MGAT4C: variants seen among roughly 807,000 people sequenced by gnomAD.
MGAT4C encodes alpha-1,3-mannosyl-glycoprotein 4-beta-N-acetylglucosaminyltransferase C.
MGAT4C carries 19 observed loss-of-function variants against 40.1 expected under a neutral mutation model. The observed-to-expected ratio is 0.47, with a 90% CI of 0.33 to 0.70. The LOEUF is 0.70. Ranked by LOEUF, MGAT4C falls within the 30% of genes least tolerant of loss-of-function variation. The pLI is 0.02. For missense variants in MGAT4C, 491 were observed against 563.2 expected (o/e 0.87, Z 1.30); for synonymous variants, 181 against 187.1 (o/e 0.97, Z 0.27).
intron 1 of MGAT4C, among the ~76,000 whole-genome samples, chr12:86,177,986 G>C (rs1000846347): frequency 1.3e-5 from 2 of 152,062 alleles, no homozygotes; most frequent in African/African-American, 2.4e-5. Flanking sequence ...ACCCAGGCTG[G>C]AGTGCAGTGG....
chr12:86,018,801 C>A lies in MGAT4C; in HGVS notation c.-6-29249G>T, dbSNP rs916975955. Among the ~76,000 whole-genome samples the A allele has an allele frequency of 2.6e-5, 4 of 151,846 alleles. No individual in the cohort carries two copies. In the East Asian group the frequency reaches 5.8e-4, roughly 22 times the overall value. ...CTAAGTATCCTACAATGATGCCCAG[C>A]AAGATTTACATTAAGTTTCACTTTA... On this transcript the variant is annotated intron_variant, in intron 2 of 4. Coordinates refer to ENST00000611864, the MANE Select transcript of MGAT4C (RefSeq NM_001351288.2).
rs1299936741 is a variant in MGAT4C at position 85,978,393 on chromosome 12, A to G, written c.*896T>C. 1.3e-5 allele frequency: 2 copies of G among 151,908 alleles called. No individual in the cohort carries two copies. Among genetic ancestry groups the G allele is most frequent in the African/African-American group, 4.8e-5 (2 of 41,422 alleles). 9.4% of individuals were successfully genotyped at this position (151,908 alleles called of 1,614,324 possible). On this transcript the variant is annotated 3_prime_UTR_variant, in exon 5 of 5. Transcript: ENST00000611864. ...ATACCCATTTAAATTCCAAAAAGGTATATGATAAATCACAATAATTTCAAT... is the reference window on the plus strand; with the variant it reads ...ATACCCATTTAAATTCCAAAAAGGTGTATGATAAATCACAATAATTTCAAT...
chr12:86,426,342 A>G (rs557872989), intron 3 of MGAT4C, among the ~76,000 whole-genome samples: 65 of 152,372 alleles, frequency 4.3e-4, no homozygotes, highest in Non-Finnish European at 1.5e-5. Flanking sequence ...TGAGAAGAGC[A>G]GAAAGTGAAC....
At chr12:86,207,465 T>G (rs980481849) in intron 1 of MGAT4C, among the ~76,000 whole-genome samples, 1 of 151,900 alleles carries the variant, frequency 6.6e-6, no homozygotes, top group African/African-American at 2.4e-5. Flanking sequence ...CGACAGGCCT[T>G]GTGTGTGATG....
chr12:86,220,313 G>A (rs979825685), intron 1 of MGAT4C, among the ~76,000 whole-genome samples: 4 of 151,870 alleles, frequency 2.6e-5, no homozygotes, highest in Admixed American at 6.6e-5. Context: ...GTGTTTTCAC[G>A]TATACATGGC....
At chr12:86,178,184 C>T (rs1371933975) in intron 1 of MGAT4C, among the ~76,000 whole-genome samples, 3 of 152,182 alleles carry the variant, frequency 2.0e-5, no homozygotes, top group Non-Finnish European at 2.9e-5. Flanking sequence ...GATCCGCCCG[C>T]CTTGGCCTCC....
chr12:85,982,505 C>T (rs1275858032), intron 4 of MGAT4C, among the ~76,000 whole-genome samples: 3 of 152,132 alleles, frequency 2.0e-5, no homozygotes, highest in Non-Finnish European at 2.9e-5. Flanking sequence ...TTATATTTTA[C>T]ACATTGAAAC....
chr12:86,169,907 T>C (rs908250014), intron 1 of MGAT4C, among the ~76,000 whole-genome samples: 1 of 152,222 alleles, frequency 6.6e-6, no homozygotes, highest in African/African-American at 2.4e-5. Context: ...TATTTAATGG[T>C]ATCCTCATTT....
At chr12:86,306,077 A>G (rs986429314) in intron 4 of MGAT4C, among the ~76,000 whole-genome samples, 3 of 150,582 alleles carry the variant, frequency 2.0e-5, no homozygotes, top group Non-Finnish European at 2.9e-5. Context: ...TTAGGTAAGA[A>G]AGTCTAATTT....
chr12:86,544,057 A>C (rs1959181192), intron 2 of MGAT4C, among the ~76,000 whole-genome samples: 1 of 152,174 alleles, frequency 6.6e-6, no homozygotes, highest in African/African-American at 2.4e-5. Flanking sequence ...TTCACACTTC[A>C]GAATCATTAG....
At chr12:86,348,463 T>C (rs1955087984) in intron 3 of MGAT4C, among the ~76,000 whole-genome samples, 1 of 152,150 alleles carries the variant, frequency 6.6e-6, no homozygotes, top group South Asian at 2.1e-4. Flanking sequence ...TTGCTATGCA[T>C]TTCTCTTCCT....
intron 3 of MGAT4C, among the ~76,000 whole-genome samples, chr12:86,392,191 G>A (rs1956172096): frequency 6.6e-6 from 1 of 152,072 alleles, no homozygotes; most frequent in Non-Finnish European, 1.5e-5. Context: ...GGTAATGTCG[G>A]CCAGATGCAG....
intron 4 of MGAT4C, among the ~76,000 whole-genome samples, chr12:86,277,226 A>G (rs752212076): frequency 6.6e-6 from 1 of 152,140 alleles, no homozygotes; most frequent in Non-Finnish European, 1.5e-5. Flanking sequence ...TCTCCTCTTG[A>G]GAAATGTTTA....
chr12:86,022,803 G>T lies in MGAT4C; in HGVS notation c.-7+26871C>A, dbSNP rs188687166. On this transcript the variant is annotated intron_variant, in intron 2 of 4. Coordinates refer to ENST00000611864, the MANE Select transcript of MGAT4C (RefSeq NM_001351288.2). ...AAAGTAGATCCATAAATTGTTAGAG[G>T]CATGATGTTACAAAAATGCACAGGT... Among the ~76,000 whole-genome samples the T allele has an allele frequency of 1.8e-4, 27 of 152,170 alleles. No homozygotes were observed. The East Asian group carries it at 5.2e-3, about 29-fold the overall frequency.
intron 2 of MGAT4C, among the ~76,000 whole-genome samples, chr12:86,704,668 T>A (rs1950424688): frequency 6.6e-6 from 1 of 152,136 alleles, no homozygotes; most frequent in Admixed American, 6.6e-5. Flanking sequence ...AAGGCAAATT[T>A]ATTATCCAAC....
At chr12:86,702,296 T>A (rs1455871405) in intron 2 of MGAT4C, among the ~76,000 whole-genome samples, 1 of 152,034 alleles carries the variant, frequency 6.6e-6, no homozygotes, top group Admixed American at 6.6e-5. Flanking sequence ...CCTCCCACTT[T>A]GGCCTCCCAA....
chr12:86,808,959 A>T lies in MGAT4C; in HGVS notation c.-262+29707T>A, dbSNP rs1952418425. 2.6e-5 allele frequency among the ~76,000 whole-genome samples: 4 copies of T among 152,198 alleles called. No individual in the cohort carries two copies. The South Asian group carries it at 8.3e-4, about 32-fold the overall frequency. ...TCTCAGGATACAAAGTCAAAGTGCA[A>T]AAGTCACAAGCATTCCAATACACCA... On this transcript the variant is annotated intron_variant, in intron 1 of 7. Coordinates refer to the MGAT4C transcript ENST00000548651.
At chr12:86,361,238 G>A (rs1437534665) in intron 3 of MGAT4C, among the ~76,000 whole-genome samples, 1 of 152,178 alleles carries the variant, frequency 6.6e-6, no homozygotes, top group Non-Finnish European at 1.5e-5. Context: ...AATGGGGAAA[G>A]GGTTCCCTAT....
chr12:86,729,452 T>A (rs1408051236), intron 1 of MGAT4C, among the ~76,000 whole-genome samples: 1 of 152,080 alleles, frequency 6.6e-6, no homozygotes, highest in African/African-American at 2.4e-5. Context: ...TGTAAAAGAT[T>A]TGATTCTGAA....
Sources: gnomAD v4.1 joint callset for allele counts (sites outside exome capture counted in the v4.1 genomes callset) on GRCh38, gnomAD v4.1.1 for gene constraint, MANE v1.5 for transcripts, NCBI Gene and HGNC (gene_info 2026-07-23, HGNC 2026-07-21) for gene names.